COG4: variants seen among roughly 807,000 people sequenced by gnomAD.
COG4 encodes the protein conserved oligomeric Golgi complex subunit 4.
COG4 carries 65 observed loss-of-function variants against 95.1 expected under a neutral mutation model. That is an observed-to-expected ratio of 0.68 (90% confidence interval 0.56 to 0.84). The LOEUF (loss-of-function observed/expected upper bound fraction) is 0.84. Among genes scored for constraint, COG4 ranks in the 40% least tolerant of loss-of-function variants. COG4 has a pLI of 0.00. For synonymous variants in COG4, 421 were observed against 374.8 expected (o/e 1.12, Z -1.42); for missense variants, 1,045 against 989.1 (o/e 1.06, Z -0.76).
At chr16:70,483,117 CCCA>C (rs1225393515) in intron 14 of COG4, among the ~76,000 whole-genome samples, 4 of 100,822 alleles carry the variant, frequency 4.0e-5, no homozygotes, top group Admixed American at 1.0e-4. Flanking sequence ...CTCTCCTCTC[CCCA>C]CCACATCCCT....
chr16:70,522,562 G>A (rs980727665), intron 1 of COG4, among the ~76,000 whole-genome samples: 7 of 152,176 alleles, frequency 4.6e-5, no homozygotes, highest in Admixed American at 1.3e-4. Context: ...AGATATCAAC[G>A]ATCACCTCTC....
chr16:70,481,139 G>A lies in COG4; in HGVS notation c.2241C>T (p.Thr747=), dbSNP rs1055895763. The change falls in exon 19 of 19, where the codon ACC becomes ACT. Residue 747 remains threonine (T), a synonymous_variant. Transcript: ENST00000323786. ...MATILNLERV[T]EILDYWGPNS... is the part of the protein sequence containing the mutation. Reference sequence around the variant, plus strand: ...TGGGTCCCCAGTAATCGAGGATCTCGGTCACCTGTGGGGAAGGACATAGAG... The same window carrying A: ...TGGGTCCCCAGTAATCGAGGATCTCAGTCACCTGTGGGGAAGGACATAGAG... 11 of 1,613,232 alleles carry A rather than the reference G, an allele frequency of 6.8e-6. No homozygotes were observed. Among genetic ancestry groups the A allele is most frequent in the Admixed American group, 3.3e-5 (2 of 59,998 alleles).
At chr16:70,517,578 A>T in intron 3 of COG4, 48 bp downstream of exon 3, 1 of 1,034,144 alleles carries the variant, frequency 9.7e-7, no homozygotes, top group Non-Finnish European at 1.4e-6. Flanking sequence ...ACAGAGCAAG[A>T]CCCTGTCTCA....
intron 12 of COG4, among the ~76,000 whole-genome samples, chr16:70,492,870 G>A (rs1172971564): frequency 6.6e-6 from 1 of 151,796 alleles, no homozygotes; most frequent in Admixed American, 6.6e-5. Context: ...GGCTGAGGCA[G>A]GAGAATCGCT....
Position 70,517,729 on chromosome 16 carries a change from T to A in COG4, c.266A>T (p.Gln89Leu). Reference protein sequence around the residue: ...VTLHRMGPNLQLIEGDAKQLA... With the variant: ...VTLHRMGPNLLLIEGDAKQLA... ...CTGCTTTGCATCTCCCTCAATCAGC[T>A]GCAGATTAGGACTGGAGAAATACAT... Residue 89 changes from glutamine (Q) to leucine (L), a missense_variant, in exon 3 of 19, where the codon CAG becomes CTG. Transcript: ENST00000323786. 6.2e-7 allele frequency: 1 copy of A among 1,609,668 alleles called. No individual in the cohort carries two copies. The highest frequency in any genetic ancestry group is 8.5e-7 in the Non-Finnish European group (1 of 1,176,006).
At chr16:70,514,169 C>G (rs960748865) in intron 4 of COG4, among the ~76,000 whole-genome samples, 166 bp downstream of exon 4, 1 of 151,750 alleles carries the variant, frequency 6.6e-6, no homozygotes, top group South Asian at 2.1e-4. Flanking sequence ...AAGATGGCAC[C>G]ACTGCACCCT....
chr16:70,498,944 G>T (rs958375697), intron 9 of COG4, among the ~76,000 whole-genome samples: 1 of 152,160 alleles, frequency 6.6e-6, no homozygotes, highest in Non-Finnish European at 1.5e-5. Context: ...GTCAGGTGTG[G>T]TGGCTCACAC....
chr16:70,506,628 A>AAAAAAT (rs2049582396), intron 8 of COG4, among the ~76,000 whole-genome samples: 1 of 135,700 alleles, frequency 7.4e-6, no homozygotes, highest in Non-Finnish European at 1.5e-5. Context: ...CAAAAAAAAA[A>AAAAAAT]ACATTTAGCT....
chr16:70,522,957 A>G (rs1050397673), intron 1 of COG4: 3 of 208,382 alleles, frequency 1.4e-5, no homozygotes, highest in Non-Finnish European at 2.0e-5. Context: ...CGCTTCAAGA[A>G]GTTAATCTGC....
At position 70,481,793 on chromosome 16, in the gene COG4, T is replaced by C; in HGVS notation, c.2077A>G (p.Lys693Glu). The C allele has an allele frequency of 6.2e-7, 1 of 1,613,930 alleles. No homozygotes were observed. The highest frequency in any genetic ancestry group is 8.5e-7 in the Non-Finnish European group (1 of 1,179,974). The change falls in exon 17 of 19, where the codon AAA becomes GAA. Residue 693 changes from lysine to glutamate, a missense_variant. Coordinates refer to ENST00000323786, the MANE Select transcript of COG4 (RefSeq NM_015386.3). ...MTSLVAVELE[K>E]VVLKSTFNRL... ...TTAAAGGTGGATTTCAGCACCACTT[T>C]CTCCAACTCGACGGCAACAAGGCTA...
Position 70,481,815 on chromosome 16 carries a change from G to C in COG4, c.2055C>G (p.Ser685Arg). 1 of 1,614,084 alleles carries C rather than the reference G, an allele frequency of 6.2e-7. No individual in the cohort carries two copies. The highest frequency in any genetic ancestry group is 8.5e-7 in the Non-Finnish European group (1 of 1,180,014). Residue 685 changes from serine to arginine, a missense_variant, in exon 17 of 19, where the codon AGC (serine) becomes AGG (arginine). Physicochemically the swap from Ser to Arg is moderately radical, Grantham distance 110. Coordinates refer to ENST00000323786, the MANE Select transcript of COG4 (RefSeq NM_015386.3). ...IYDSLTGLMT[S>R]LVAVELEKVV... ...CTTTCTCCAACTCGACGGCAACAAG[G>C]CTAGTCATGAGGCCGGTTAGGCTGT...
chr16:70,515,411 C>T (rs372283004), intron 3 of COG4, among the ~76,000 whole-genome samples: 125 of 152,066 alleles, frequency 8.2e-4, no homozygotes, highest in African/African-American at 2.8e-3. Context: ...TTGCGCCAGG[C>T]GTGGTGGCTC....
intron 8 of COG4, among the ~76,000 whole-genome samples, chr16:70,506,029 C>T (rs943134150): frequency 1.3e-5 from 2 of 151,970 alleles, no homozygotes; most frequent in African/African-American, 4.8e-5. Flanking sequence ...GCCTGTAATT[C>T]CAGCACTTTG....
intron 13 of COG4, among the ~76,000 whole-genome samples, chr16:70,485,307 G>C (rs1420691986): frequency 6.6e-6 from 1 of 150,928 alleles, no homozygotes; most frequent in African/African-American, 2.4e-5. Context: ...GGGTTCAAGC[G>C]ATTCTCGTGC....
chr16:70,521,828 A>C (rs1404668774), intron 1 of COG4, among the ~76,000 whole-genome samples: 2 of 150,664 alleles, frequency 1.3e-5, no homozygotes, highest in Non-Finnish European at 2.9e-5. Context: ...CAGCCTCCCG[A>C]GTAGCTGGGA....
chr16:70,515,102 GC>G (rs2049795716), intron 3 of COG4, among the ~76,000 whole-genome samples: 1 of 150,648 alleles, frequency 6.6e-6, no homozygotes, highest in Non-Finnish European at 1.5e-5. Context: ...TGCAACCTCT[GC>G]CTCCTGGGTT....
chr16:70,491,428 G>A (rs932107548), intron 12 of COG4, among the ~76,000 whole-genome samples: 16 of 147,556 alleles, frequency 1.1e-4, no homozygotes, highest in African/African-American at 2.0e-4. Context: ...GCTGAGGCAG[G>A]AGAATCGCTT....
At chr16:70,498,896 C>G (rs904066888) in intron 9 of COG4, among the ~76,000 whole-genome samples, 5 of 152,180 alleles carry the variant, frequency 3.3e-5, no homozygotes, top group Non-Finnish European at 4.4e-5. Flanking sequence ...TACACCAGTA[C>G]TGTCCAGTAG....
chr16:70,484,121 C>T, intron 13 of COG4, 152 bp from the exon 14 acceptor site: 2 of 690,712 alleles, frequency 2.9e-6, no homozygotes, highest in South Asian at 3.0e-5. Flanking sequence ...GGTGGTTATC[C>T]ACTTGGCTCC....
Sources: gnomAD v4.1 joint callset for allele counts (sites outside exome capture counted in the v4.1 genomes callset) on GRCh38, gnomAD v4.1.1 for gene constraint, MANE v1.5 for transcripts, NCBI Gene and HGNC (gene_info 2026-07-23, HGNC 2026-07-21) for gene names.